Variants in LYST observed in about 807,000 individuals in gnomAD.
The protein encoded by LYST is lysosomal-trafficking regulator.
A neutral mutation model predicts 413.6 loss-of-function variants in LYST; 192 were observed. The observed-to-expected ratio is 0.46, with a 90% CI of 0.41 to 0.52. The LOEUF (loss-of-function observed/expected upper bound fraction) is 0.52, where lower values mean the gene tolerates loss of function less well. Among genes scored for constraint, LYST ranks in the 20% least tolerant of loss-of-function variants. The pLI is 0.00. For synonymous variants in LYST, 1,525 were observed against 1,567.3 expected (o/e 0.97, Z 0.64); for missense variants, 3,815 against 4,499.9 (o/e 0.85, Z 4.35).
At chr1:235,673,846 C>G (rs1228029460) in intron 50 of LYST, among the ~76,000 whole-genome samples, 2 of 152,154 alleles carry the variant, frequency 1.3e-5, no homozygotes, top group Admixed American at 6.5e-5. Context: ...CAAACTTTAG[C>G]CATAACAACT....
intron 1 of LYST, among the ~76,000 whole-genome samples, chr1:235,881,689 C>T (rs748128435): frequency 7.2e-5 from 11 of 152,040 alleles, no homozygotes; most frequent in Non-Finnish European, 1.5e-4. Context: ...ATTATTCAAC[C>T]TTAAAAAGAA....
In LYST at chr1:235,788,833, G is replaced by A. The variant is rs371728782; in HGVS notation, c.4556C>T (p.Pro1519Leu). 1.2e-6 allele frequency: 2 copies of A among 1,613,316 alleles called. No individual in the cohort carries two copies. The highest frequency in any genetic ancestry group is 1.3e-5 in the African/African-American group (1 of 74,838). ...SSFDGTESDR[P>L]EGAEYINPGE... ...AGGATTTATGTACTCTGCACCTTCT[G>A]GTCTGTCGCTCTCTATAAGAAAAAG... Residue 1519 changes from proline (P) to leucine (L), a missense_variant, in exon 13 of 53, where the codon CCA becomes CTA. Transcript: ENST00000389793.
chr1:235,820,269 G>T (rs530957304), intron 3 of LYST, among the ~76,000 whole-genome samples: 1 of 152,326 alleles, frequency 6.6e-6, no homozygotes, highest in Non-Finnish European at 1.5e-5. Context: ...CAGGCAGATG[G>T]GCACCAGATG....
At chr1:235,703,759 T>C (rs1477961117) in intron 44 of LYST, among the ~76,000 whole-genome samples, 1 of 152,218 alleles carries the variant, frequency 6.6e-6, no homozygotes, top group Non-Finnish European at 1.5e-5. Context: ...CAAATCCTTT[T>C]TTTAAAAAAA....
At chr1:235,863,818 C>T (rs1415240806) in intron 1 of LYST, among the ~76,000 whole-genome samples, 1 of 152,214 alleles carries the variant, frequency 6.6e-6, no homozygotes, top group African/African-American at 2.4e-5. Context: ...CTAATAATCT[C>T]AGCTTTGACA....
intron 1 of LYST, 54 bp downstream of exon 1, chr1:235,866,789 G>A (rs191637569): frequency 1.2e-4 from 19 of 152,516 alleles, no homozygotes; most frequent in African/African-American, 4.6e-4. Flanking sequence ...ACGCAGAGGG[G>A]CCGGGACCCG....
chr1:235,770,606 C>T (rs1468749567), intron 19 of LYST, among the ~76,000 whole-genome samples: 6 of 152,142 alleles, frequency 3.9e-5, no homozygotes, highest in Non-Finnish European at 8.8e-5. Context: ...GAGAAGCACA[C>T]ACATTACCAA....
At chr1:235,827,868 G>T in intron 3 of LYST, 1 of 757,656 alleles carries the variant, frequency 1.3e-6, no homozygotes, top group Non-Finnish European at 1.6e-6. Flanking sequence ...AGAAAATACC[G>T]TATTTGGAAT....
chr1:235,875,115 C>A (rs372197463), intron 1 of LYST, among the ~76,000 whole-genome samples: 3 of 151,984 alleles, frequency 2.0e-5, no homozygotes, highest in African/African-American at 4.8e-5. Flanking sequence ...GAGGGAACAG[C>A]GGGTATAAAG....
intron 2 of LYST, among the ~76,000 whole-genome samples, chr1:235,832,635 A>G (rs568355879): frequency 6.6e-6 from 1 of 152,246 alleles, no homozygotes; most frequent in South Asian, 2.1e-4. Context: ...CTACATGTAA[A>G]TATTACATAT....
At chr1:235,800,176 G>T in intron 10 of LYST, 144 bp downstream of exon 10, 1 of 602,218 alleles carries the variant, frequency 1.7e-6, no homozygotes, top group Non-Finnish European at 3.1e-6. Context: ...TGAACTCCCA[G>T]GCTCAAGTGA....
chr1:235,773,935 C>T lies in LYST; in HGVS notation c.5691G>A (p.Glu1897=). 6.2e-7 allele frequency: 1 copy of T among 1,605,656 alleles called. No homozygotes were observed. The highest frequency in any genetic ancestry group is 8.5e-7 in the Non-Finnish European group (1 of 1,172,444). Residue 1897 remains glutamate, a synonymous_variant, in exon 19 of 53, where the codon GAG becomes GAA. Coordinates refer to ENST00000389793, the MANE Select transcript of LYST (RefSeq NM_000081.4). ...CATTAGAGTCTACATCCAACTTAAA[C>T]TCTCCATTCTCATTCATATAAATAA... The part of the protein sequence containing the change: ...EDIIYMNENG[E]FKLDVDSNAI...
rs56105009 is a variant in LYST, at chr1:235,872,283, G to A, written n.454+10904C>T. 5.6e-3 allele frequency among the ~76,000 whole-genome samples: 744 copies of A among 131,924 alleles called. 11 individuals are homozygous for A. The highest frequency in any genetic ancestry group is 0.021 in the African/African-American group (711 of 33,534). 86.5% of individuals were successfully genotyped at this position (131,924 alleles called of 152,430 possible). On this transcript the variant is annotated intron_variant and non_coding_transcript_variant, in intron 1 of 11. Transcript: ENST00000465349. ...TGCACTCCAGCCCAGGCAACGGAGT[G>A]ACATTCTGTCTCAAAAAAAAAAAAA...
In LYST at chr1:235,799,928, CTTTTTTTTTTTTTTTTTTTTTTTTTT is replaced by C. The variant is rs67988872; in HGVS notation, c.4006+366_4006+391del. On this transcript the variant is annotated intron_variant, in intron 10 of 52. Coordinates refer to ENST00000389793, the MANE Select transcript of LYST (RefSeq NM_000081.4). ...CACAGAGCACTATGCCAATGGAAGC[CTTTTTTTTTTTTTTTTTTTTTTTTTT>C]TTTTTTTTTTTTTTTTTTTTGAGAC... Among the ~76,000 whole-genome samples the C allele has an allele frequency of 8.0e-4, 51 of 63,502 alleles. 1 individual carries two copies. The highest frequency in any genetic ancestry group is 8.0e-3 in the East Asian group (18 of 2,260). 41.7% of individuals were successfully genotyped at this position (63,502 alleles called of 152,430 possible).
rs1287764063 is a variant in LYST at position 235,664,073 on chromosome 1, C to A, written c.11196-18G>T. On this transcript the variant is annotated intron_variant, in intron 51 of 52. Coordinates refer to ENST00000389793, the MANE Select transcript of LYST (RefSeq NM_000081.4). This position sits in a 1 kb window ranked among gnomAD's most constrained non-coding sequence, Gnocchi z 4.5. ...TCCATAACCTAGAGGGGAAAAAAAT[C>A]ATCTAATTATGCAAACTAAAATTAC... is the stretch of plus-strand genomic sequence containing the variant. 4 of 1,580,834 alleles carry A rather than the reference C, an allele frequency of 2.5e-6. No individual in the cohort carries two copies. The highest frequency in any genetic ancestry group is 1.7e-5 in the Admixed American group (1 of 59,984).
chr1:235,770,083 C>A, intron 20 of LYST, 77 bp downstream of exon 20: 2 of 1,406,038 alleles, frequency 1.4e-6, no homozygotes, highest in African/African-American at 1.4e-5. Context: ...TTGAAAGTGC[C>A]ACAAAAATTT....
intron 17 of LYST, 76 bp from the exon 18 acceptor site, chr1:235,775,162 T>G: frequency 1.0e-6 from 1 of 997,668 alleles, no homozygotes; most frequent in Non-Finnish European, 1.6e-6. Flanking sequence ...TAATCTTCCA[T>G]TCTGTAACAT....
chr1:235,662,287 G>T lies in LYST; in HGVS notation c.*653C>A, dbSNP rs1368928710. 6.5e-6 allele frequency: 1 copy of T among 152,876 alleles called. No individual in the cohort carries two copies. Among genetic ancestry groups the T allele is most frequent in the Non-Finnish European group, 1.5e-5 (1 of 68,618 alleles). 9.5% of individuals were successfully genotyped at this position (152,876 alleles called of 1,614,324 possible). A position where few individuals can be genotyped will look rare whatever the true frequency, so the allele number is the denominator to read the frequency against. On this transcript the variant is annotated 3_prime_UTR_variant, in exon 53 of 53. Transcript: ENST00000389793. ...CCAAGATACCTGTATTCTTGTTTGTGGCTGTCAAAAAAATTCTGGTTCTCC... is the reference window on the plus strand; with the variant it reads ...CCAAGATACCTGTATTCTTGTTTGTTGCTGTCAAAAAAATTCTGGTTCTCC...
chr1:235,734,552 C>T lies in LYST; in HGVS notation c.8466G>A (p.Lys2822=). The T allele has an allele frequency of 3.1e-6, 5 of 1,613,672 alleles. No homozygotes were observed. The highest frequency in any genetic ancestry group is 1.1e-5 in the South Asian group (1 of 91,076). Residue 2822 remains lysine (K), a synonymous_variant, in exon 32 of 53, where the codon AAG becomes AAA. Transcript: ENST00000389793. ...GAGGGATGCACTTGTGACCACATAA[C>T]TTCAAAGCATTCATAAGCAGTTCTG... ...GTAELLMNAL[K]LCGHKCIPPS...
Sources: allele counts gnomAD v4.1 joint callset (sites outside exome capture counted in the v4.1 genomes callset), GRCh38; gene constraint gnomAD v4.1.1; non-coding constraint Gnocchi (gnomAD v3.1); transcripts MANE v1.5; gene names NCBI Gene and HGNC (gene_info 2026-07-23, HGNC 2026-07-21).